Variants in LIPC observed in about 807,000 individuals in gnomAD.
LIPC encodes the protein hepatic triacylglycerol lipase.
Under a neutral mutation model 50.7 loss-of-function variants are expected in LIPC, and 44 were observed. That is an observed-to-expected ratio of 0.87 (90% CI 0.68 to 1.11). The LOEUF is 1.11. LIPC is among the 50% of genes most tolerant of loss of function. The probability of loss-of-function intolerance (pLI) is 0.00; values close to 1 mark genes in which losing one functional copy is unlikely to be tolerated. For missense variants in LIPC, 697 were observed against 648.2 expected (o/e 1.08, Z -0.82); for synonymous variants, 271 against 256.4 (o/e 1.06, Z -0.54).
chr15:58,490,989 C>T (rs1235387806), intron 1 of LIPC, among the ~76,000 whole-genome samples: 1 of 152,168 alleles, frequency 6.6e-6, no homozygotes, highest in Non-Finnish European at 1.5e-5. Flanking sequence ...GAATGGAGTT[C>T]ACAGGGGATT....
chr15:58,542,425 A>C, intron 3 of LIPC, 109 bp from the exon 4 acceptor site: 1 of 788,276 alleles, frequency 1.3e-6, no homozygotes, highest in Non-Finnish European at 2.3e-6. Flanking sequence ...AAGGCACCTC[A>C]TTTCTGAGCA....
intron 1 of LIPC, among the ~76,000 whole-genome samples, chr15:58,500,283 C>T (rs939842038): frequency 4.6e-5 from 7 of 152,176 alleles, no homozygotes; most frequent in African/African-American, 7.2e-5. Flanking sequence ...ATGGAAATGA[C>T]TGCTGCATAG....
At chr15:58,546,001 G>C (rs35322472) in intron 5 of LIPC, 26 bp downstream of exon 5, 1 of 1,538,086 alleles carries the variant, frequency 6.5e-7, no homozygotes, top group Non-Finnish European at 9.0e-7. Context: ...TGGGCCGGGA[G>C]CACCGGCCTA....
At chr15:58,565,299 A>T in intron 8 of LIPC, 5 of 1,535,552 alleles carry the variant, frequency 3.3e-6, no homozygotes, top group Non-Finnish European at 4.4e-6. Flanking sequence ...GACCCTGCCC[A>T]GATGCTCTTA....
chr15:58,482,606 G>A (rs529894083), intron 1 of LIPC, among the ~76,000 whole-genome samples: 1 of 152,230 alleles, frequency 6.6e-6, no homozygotes, highest in South Asian at 2.1e-4. Flanking sequence ...CTAAATTTCT[G>A]GGCACCAGCA....
At chr15:58,503,494 T>A (rs1892053420) in intron 1 of LIPC, among the ~76,000 whole-genome samples, 1 of 152,140 alleles carries the variant, frequency 6.6e-6, no homozygotes, top group Non-Finnish European at 1.5e-5. Context: ...GATGAGGACT[T>A]GGTCTGCATG....
intron 1 of LIPC, among the ~76,000 whole-genome samples, chr15:58,444,539 T>G (rs1354048064): frequency 1.3e-5 from 2 of 152,132 alleles, no homozygotes; most frequent in African/African-American, 2.4e-5. Flanking sequence ...AAGTCTGAGG[T>G]CAAGGGGTCA....
chr15:58,454,992 C>A (rs1042756880), intron 1 of LIPC: 5 of 152,208 alleles, frequency 3.3e-5, no homozygotes, highest in Non-Finnish European at 7.3e-5. Flanking sequence ...ACTATTGTCT[C>A]TGTCTGTAAG....
chr15:58,495,556 T>C (rs1481830591), intron 1 of LIPC, among the ~76,000 whole-genome samples: 1 of 152,212 alleles, frequency 6.6e-6, no homozygotes, highest in African/African-American at 2.4e-5. Context: ...CAGGCACTGT[T>C]CTACCTCATT....
chr15:58,518,920 T>C (rs1253417827), intron 1 of LIPC, among the ~76,000 whole-genome samples: 1 of 150,984 alleles, frequency 6.6e-6, no homozygotes, highest in African/African-American at 2.4e-5. Flanking sequence ...CACAGAGCTA[T>C]ACACTTACGA....
intron 1 of LIPC, among the ~76,000 whole-genome samples, chr15:58,531,614 C>T (rs1892961260): frequency 2.5e-5 from 1 of 39,726 alleles, no homozygotes; most frequent in Non-Finnish European, 5.3e-5. Context: ...TAGTATGGAG[C>T]CAAAATGGAC....
chr15:58,493,267 C>T (rs1197494408), intron 1 of LIPC, among the ~76,000 whole-genome samples: 1 of 152,114 alleles, frequency 6.6e-6, no homozygotes, highest in African/African-American at 2.4e-5. Flanking sequence ...GCCAGCACTC[C>T]ACCACAGCCT....
chr15:58,541,738 C>A (rs763678381), intron 2 of LIPC, 47 bp from the exon 3 acceptor site: 1 of 1,568,394 alleles, frequency 6.4e-7, no homozygotes, highest in Non-Finnish European at 8.7e-7. Flanking sequence ...GAAGGGTGAG[C>A]GGGGAGAAAG....
In LIPC at chr15:58,525,123, T is replaced by C. The variant is rs889911769; in HGVS notation, c.89-13210T>C. On this transcript the variant is annotated intron_variant, in intron 1 of 8. Coordinates refer to ENST00000299022, the MANE Select transcript of LIPC (RefSeq NM_000236.3). The stretch of plus-strand genomic sequence containing the variant: ...TGATGAGAGGTATGGACCAAACTTA[T>C]AACTTTTCATCTTTTTCCAGATCTC... Among the ~76,000 whole-genome samples the C allele has an allele frequency of 3.9e-5, 6 of 152,334 alleles. No homozygotes were observed. In the South Asian group the frequency reaches 6.2e-4, roughly 16 times the overall value.
In LIPC at chr15:58,538,370, C is replaced by A. The variant is rs1458586455; in HGVS notation, c.126C>A (p.Asn42Lys). ...GAAGAGCTCAAGCTGTTGAAACAAA[C>A]AAAACGCTGCATGAGATGAAGACCA... Reference protein sequence around the residue: ...FGRRAQAVETNKTLHEMKTRF... With the variant: ...FGRRAQAVETKKTLHEMKTRF... Residue 42 changes from asparagine (N) to lysine (K), a missense_variant, in exon 2 of 9, where the codon AAC becomes AAA. Coordinates refer to ENST00000299022, the MANE Select transcript of LIPC (RefSeq NM_000236.3). 2 of 1,614,192 alleles carry A rather than the reference C, an allele frequency of 1.2e-6. No individual in the cohort carries two copies. The highest frequency in any genetic ancestry group is 1.7e-5 in the Admixed American group (1 of 60,022).
At chr15:58,471,181 G>A (rs889375214) in intron 1 of LIPC, among the ~76,000 whole-genome samples, 12 of 136,566 alleles carry the variant, frequency 8.8e-5, no homozygotes, top group African/African-American at 3.4e-4. Context: ...CTGTCACCCA[G>A]GCTGGAATAC....
chr15:58,465,852 T>C (rs1162308096), intron 1 of LIPC, among the ~76,000 whole-genome samples: 4 of 152,130 alleles, frequency 2.6e-5, no homozygotes, highest in African/African-American at 9.7e-5. Context: ...AAGGAAGGAA[T>C]AGGTACGTGG....
chr15:58,563,467 C>A (rs1210824856), intron 7 of LIPC, 38 bp from the exon 8 acceptor site: 2 of 1,545,122 alleles, frequency 1.3e-6, no homozygotes, highest in South Asian at 1.1e-5. Context: ...GCTGTTACGA[C>A]TAAACTGATT....
chr15:58,533,298 A>G, intron 1 of LIPC: 1 of 337,298 alleles, frequency 3.0e-6, no homozygotes, highest in Non-Finnish European at 4.2e-6. Flanking sequence ...GGCCAGGTTT[A>G]AATGAGTCAA....
Sources: gnomAD v4.1 joint callset for allele counts (sites outside exome capture counted in the v4.1 genomes callset) on GRCh38, gnomAD v4.1.1 for gene constraint, MANE v1.5 for transcripts, NCBI Gene and HGNC (gene_info 2026-07-23, HGNC 2026-07-21) for gene names.